JAKMIP2: variants seen among roughly 807,000 people sequenced by gnomAD.
The protein encoded by JAKMIP2 is janus kinase and microtubule-interacting protein 2.
JAKMIP2 carries 25 observed loss-of-function variants against 115.0 expected under a neutral mutation model. The ratio of observed to expected loss-of-function variants is 0.22; its 90% CI spans 0.16 to 0.30. JAKMIP2 has a LOEUF of 0.30. Among genes scored for constraint, JAKMIP2 ranks in the 10% least tolerant of loss-of-function variants. The pLI is 1.00. For missense variants in JAKMIP2, 642 were observed against 957.6 expected, an observed-to-expected ratio of 0.67 and a Z score of 4.35; for synonymous variants, 334 against 343.6, an observed-to-expected ratio of 0.97 and a Z score of 0.31.
chr5:147,775,947 A>G (rs1382984691), intron 1 of JAKMIP2, among the ~76,000 whole-genome samples: 1 of 152,068 alleles, frequency 6.6e-6, no homozygotes, highest in African/African-American at 2.4e-5. Context: ...TGTAATTACA[A>G]CTTTTGATAC....
At chr5:147,731,167 G>C (rs1225310521) in intron 1 of JAKMIP2, among the ~76,000 whole-genome samples, 1 of 152,152 alleles carries the variant, frequency 6.6e-6, no homozygotes, top group Admixed American at 6.5e-5. Flanking sequence ...ATTTTGGATG[G>C]ACAAGGGGAG....
At chr5:147,774,666 T>G (rs764223293) in intron 1 of JAKMIP2, among the ~76,000 whole-genome samples, 3 of 152,282 alleles carry the variant, frequency 2.0e-5, no homozygotes, top group South Asian at 2.1e-4. Context: ...GCCTTAAATA[T>G]ACGTCAGTGA....
At chr5:147,663,111 A>G (rs1416368905) in intron 2 of JAKMIP2, among the ~76,000 whole-genome samples, 1 of 152,196 alleles carries the variant, frequency 6.6e-6, no homozygotes, top group Non-Finnish European at 1.5e-5. Context: ...AATAATAGTT[A>G]AGAACCTTTC....
chr5:147,676,709 C>T (rs924774630), intron 1 of JAKMIP2, among the ~76,000 whole-genome samples: 3 of 152,276 alleles, frequency 2.0e-5, no homozygotes, highest in African/African-American at 7.2e-5. Context: ...TGGTTTCTAT[C>T]TCTGATAAAG....
At chr5:147,632,848 G>C in intron 12 of JAKMIP2, 70 bp from the exon 13 acceptor site, 3 of 945,560 alleles carry the variant, frequency 3.2e-6, no homozygotes, top group Admixed American at 1.9e-5. Flanking sequence ...AGCATGAATA[G>C]TGTTCAGTTT....
chr5:147,632,313 G>A (rs1233229547), intron 13 of JAKMIP2, among the ~76,000 whole-genome samples: 1 of 151,998 alleles, frequency 6.6e-6, no homozygotes, highest in African/African-American at 2.4e-5. Flanking sequence ...GTTTTAATGA[G>A]TCAAAATTTA....
intron 1 of JAKMIP2, among the ~76,000 whole-genome samples, chr5:147,720,643 G>T (rs1284425938): frequency 1.3e-5 from 2 of 151,806 alleles, no homozygotes; most frequent in African/African-American, 4.8e-5. Context: ...GATGGCATTG[G>T]CTCCTGAGGC....
intron 10 of JAKMIP2, among the ~76,000 whole-genome samples, chr5:147,638,215 C>G (rs1310807463): frequency 6.6e-6 from 1 of 151,948 alleles, no homozygotes; most frequent in Non-Finnish European, 1.5e-5. Flanking sequence ...TTTCTAACAT[C>G]TTTATTTCTT....
chr5:147,683,486 T>C (rs1010840167), intron 1 of JAKMIP2, among the ~76,000 whole-genome samples: 4 of 152,090 alleles, frequency 2.6e-5, no homozygotes, highest in Non-Finnish European at 2.9e-5. Context: ...AGCAAGACTC[T>C]GTCTTAAAAA....
chr5:147,689,828 C>A (rs1276683235), intron 1 of JAKMIP2, among the ~76,000 whole-genome samples: 1 of 152,142 alleles, frequency 6.6e-6, no homozygotes, highest in Non-Finnish European at 1.5e-5. Flanking sequence ...ATATTCACTG[C>A]ATACACAGTT....
chr5:147,597,049 T>A (rs1467314460), intron 21 of JAKMIP2, among the ~76,000 whole-genome samples: 136 of 1,524 alleles, frequency 0.089, no homozygotes, highest in African/African-American at 0.096. Context: ...ATTTTTGTAT[T>A]TTTTTTTTTT....
chr5:147,657,865 G>A (rs1758757949), intron 3 of JAKMIP2, among the ~76,000 whole-genome samples: 1 of 151,982 alleles, frequency 6.6e-6, no homozygotes, highest in African/African-American at 2.4e-5. Flanking sequence ...GGTCATTTAT[G>A]TTCCTCTCTA....
chr5:147,628,662 G>T, intron 16 of JAKMIP2, 89 bp downstream of exon 16: 6 of 921,910 alleles, frequency 6.5e-6, no homozygotes. Flanking sequence ...ACAGTCATGT[G>T]CAGAGGGAAT....
chr5:147,775,038 AGTAAGT>A (rs1297087538), intron 1 of JAKMIP2, among the ~76,000 whole-genome samples: 3 of 152,208 alleles, frequency 2.0e-5, no homozygotes, highest in African/African-American at 7.2e-5. Flanking sequence ...CAAGAATTGC[AGTAAGT>A]GCCATGATCT....
rs766158288 is a variant in JAKMIP2 at position 147,632,685 on chromosome 5, G to A, written c.1771C>T (p.Leu591=). 6.3e-7 allele frequency: 1 copy of A among 1,581,294 alleles called. No individual in the cohort carries two copies. The highest frequency in any genetic ancestry group is 2.2e-5 in the East Asian group (1 of 44,650). ...NELLEFRNLE[L]EERERRSPPF... Reference sequence around the variant, plus strand: ...TATCATCATCATTTCCTTACTTCTAGCTCTAGGTTTCGAAACTCCAGCAGC... The same window carrying A: ...TATCATCATCATTTCCTTACTTCTAACTCTAGGTTTCGAAACTCCAGCAGC... Residue 591 remains leucine, a synonymous_variant, in exon 13 of 22, where the codon CTA becomes TTA. Coordinates refer to ENST00000616793, the MANE Select transcript of JAKMIP2 (RefSeq NM_001270941.2).
At chr5:147,709,129 G>A (rs986001884) in intron 1 of JAKMIP2, among the ~76,000 whole-genome samples, 3 of 152,124 alleles carry the variant, frequency 2.0e-5, no homozygotes, top group African/African-American at 7.2e-5. Flanking sequence ...CTTTGTTCAC[G>A]TTTACTAAAT....
In JAKMIP2 at chr5:147,585,883, G is replaced by A. The variant is rs917058067; in HGVS notation, c.*5824C>T. On this transcript the variant is annotated 3_prime_UTR_variant, in exon 22 of 22. Transcript: ENST00000616793. Reference sequence around the variant, plus strand: ...CTAAAACATGCATGAACCCTGTTGAGATGGAATTTTTAGCTAATAAAGATA... The same window carrying A: ...CTAAAACATGCATGAACCCTGTTGAAATGGAATTTTTAGCTAATAAAGATA... 1.3e-5 allele frequency: 2 copies of A among 152,004 alleles called. No individual in the cohort carries two copies. The highest frequency in any genetic ancestry group is 4.8e-5 in the African/African-American group (2 of 41,474). 9.4% of individuals were successfully genotyped at this position (152,004 alleles called of 1,614,324 possible). A position where few individuals can be genotyped will look rare whatever the true frequency, so the allele number is the denominator to read the frequency against.
intron 1 of JAKMIP2, among the ~76,000 whole-genome samples, chr5:147,771,130 T>C (rs1471004338): frequency 6.6e-6 from 1 of 152,138 alleles, no homozygotes; most frequent in Non-Finnish European, 1.5e-5. Flanking sequence ...TTTACTTTAA[T>C]TTTCAGAATC....
rs1262069168 is a variant in JAKMIP2 at position 147,587,336 on chromosome 5, C to T, written c.*4371G>A. On this transcript the variant is annotated 3_prime_UTR_variant, in exon 22 of 22. Coordinates refer to ENST00000616793, the MANE Select transcript of JAKMIP2 (RefSeq NM_001270941.2). Reference sequence around the variant, plus strand: ...AACTGCCAAAAGCTGTCATTAATTACCAAAACACTGTTATGAAAATTTCAC... The same window carrying T: ...AACTGCCAAAAGCTGTCATTAATTATCAAAACACTGTTATGAAAATTTCAC... The T allele has an allele frequency of 2.0e-5, 3 of 151,926 alleles. No individual in the cohort carries two copies. The highest frequency in any genetic ancestry group is 2.9e-5 in the Non-Finnish European group (2 of 68,006). The allele number at this position is 151,926 out of a possible 1,614,324, so 9.4% of individuals were successfully genotyped here. A position where few individuals can be genotyped will look rare whatever the true frequency, so the allele number is the denominator to read the frequency against.
Sources: allele counts gnomAD v4.1 joint callset (sites outside exome capture counted in the v4.1 genomes callset), GRCh38; gene constraint gnomAD v4.1.1; transcripts MANE v1.5; gene names NCBI Gene and HGNC (gene_info 2026-07-23, HGNC 2026-07-21).